Variants in TNR observed in about 807,000 individuals in gnomAD.
TNR encodes tenascin R, also known as tenascin-R.
A neutral mutation model predicts 150.4 loss-of-function variants in TNR; 45 were observed. The observed-to-expected ratio is 0.30, with a 90% CI of 0.24 to 0.38. The LOEUF (loss-of-function observed/expected upper bound fraction) is 0.38, where lower values mean the gene tolerates loss of function less well. Ranked by LOEUF, TNR falls within the 10% of genes least tolerant of loss-of-function variation. The probability of loss-of-function intolerance (pLI) is 1.00; values close to 1 mark genes in which losing one functional copy is unlikely to be tolerated. For missense variants in TNR, 1,544 were observed against 1,759.1 expected (o/e 0.88, Z 2.19); for synonymous variants, 687 against 678.4 (o/e 1.01, Z -0.20).
chr1:175,539,809 G>T (rs944174823), intron 1 of TNR, among the ~76,000 whole-genome samples: 25 of 152,250 alleles, frequency 1.6e-4, no homozygotes, highest in African/African-American at 5.1e-4. Context: ...TTTATGTTAT[G>T]ATTTGCCCTT....
At chr1:175,696,977 G>A (rs141330512) in intron 1 of TNR, among the ~76,000 whole-genome samples, 2 of 151,982 alleles carry the variant, frequency 1.3e-5, no homozygotes, top group African/African-American at 4.8e-5. Context: ...CTGCACTTGG[G>A]CTGGTTTGCC....
intron 1 of TNR, among the ~76,000 whole-genome samples, chr1:175,696,207 C>T (rs1000220589): frequency 6.7e-5 from 9 of 134,014 alleles, no homozygotes; most frequent in Admixed American, 4.6e-4. Context: ...ATTAAATGAG[C>T]CTTCCTGTAG....
chr1:175,543,478 C>T (rs547516707), intron 1 of TNR, among the ~76,000 whole-genome samples: 2 of 152,244 alleles, frequency 1.3e-5, no homozygotes, highest in East Asian at 3.9e-4. Context: ...CAGCCAGAGC[C>T]AGAGAGCAGC....
intron 1 of TNR, among the ~76,000 whole-genome samples, chr1:175,620,844 AAG>A (rs1373125097): frequency 2.6e-5 from 4 of 151,966 alleles, no homozygotes; most frequent in Non-Finnish European, 5.9e-5. Context: ...AGAAAAAAAA[AAG>A]AGAGAGAGAA....
rs143849441 is a variant in TNR at position 175,553,585 on chromosome 1, G to A, written c.-164-25216C>T. On this transcript the variant is annotated intron_variant, in intron 1 of 22. Transcript: ENST00000367674. The stretch of plus-strand genomic sequence containing the variant: ...AGAAATCCCTAACACTTCTTCCCTT[G>A]TTTCTAATTAGCAATATTTCTGTGG... Among the ~76,000 whole-genome samples the A allele has an allele frequency of 7.5e-3, 1,134 of 152,092 alleles. 51 individuals are homozygous for A. Among genetic ancestry groups the A allele is most frequent in the Admixed American group, 0.068 (1,044 of 15,276 alleles).
At chr1:175,426,771 A>AT (rs67513172) in intron 2 of TNR, among the ~76,000 whole-genome samples, 23,334 of 132,298 alleles carry the variant, frequency 0.18, 3,569 homozygotes, top group East Asian at 0.5. Context: ...TGTGTGTATA[A>AT]ATATATATAC....
At chr1:175,331,044 T>TC (rs1649769599) in intron 20 of TNR, among the ~76,000 whole-genome samples, 2 of 77,284 alleles carry the variant, frequency 2.6e-5, no homozygotes, top group African/African-American at 8.6e-5. Flanking sequence ...TTTCTTTCTT[T>TC]CTTTCTTTCT....
intron 2 of TNR, among the ~76,000 whole-genome samples, chr1:175,492,829 T>G (rs897543686): frequency 6.6e-6 from 1 of 152,192 alleles, no homozygotes; most frequent in African/African-American, 2.4e-5. Flanking sequence ...CACTCTATTT[T>G]TATGTATTTT....
chr1:175,380,483 A>G (rs1652621184), intron 8 of TNR, among the ~76,000 whole-genome samples: 1 of 151,892 alleles, frequency 6.6e-6, no homozygotes, highest in Admixed American at 6.6e-5. Flanking sequence ...AGGCAGGAGA[A>G]TGGTGTGAAC....
intron 18 of TNR, among the ~76,000 whole-genome samples, chr1:175,348,319 T>A (rs953604037): frequency 6.6e-6 from 1 of 152,176 alleles, no homozygotes; most frequent in Non-Finnish European, 1.5e-5. Context: ...ATTACAAAGA[T>A]GTCAGTTCTC....
intron 21 of TNR, 143 bp from the exon 22 acceptor site, chr1:175,324,662 C>G (rs1387583530): frequency 1.0e-6 from 1 of 966,472 alleles, no homozygotes; most frequent in Non-Finnish European, 1.6e-6. Context: ...AGTGGCTGTG[C>G]TGAACTCTTA....
At chr1:175,588,012 G>C (rs1282596021) in intron 1 of TNR, among the ~76,000 whole-genome samples, 1 of 152,152 alleles carries the variant, frequency 6.6e-6, no homozygotes, top group Non-Finnish European at 1.5e-5. Context: ...AGGAGTGAAT[G>C]ATCACTTTCC....
At chr1:175,454,087 G>C (rs1011734223) in intron 2 of TNR, among the ~76,000 whole-genome samples, 7 of 152,152 alleles carry the variant, frequency 4.6e-5, no homozygotes, top group Non-Finnish European at 1.0e-4. Flanking sequence ...TTCTAAATGG[G>C]TCTGGTTGTC....
At chr1:175,479,674 C>T (rs1284919799) in intron 2 of TNR, among the ~76,000 whole-genome samples, 1 of 152,146 alleles carries the variant, frequency 6.6e-6, no homozygotes, top group Admixed American at 6.5e-5. Flanking sequence ...AATAACAGCA[C>T]TGCTTGGCTA....
chr1:175,645,767 C>G (rs1222799983), intron 1 of TNR, among the ~76,000 whole-genome samples: 1 of 152,170 alleles, frequency 6.6e-6, no homozygotes, highest in Non-Finnish European at 1.5e-5. Context: ...AAATGATTGT[C>G]ATATACCTTG....
At chr1:175,735,830 G>A (rs927104856) in intron 1 of TNR, among the ~76,000 whole-genome samples, 1 of 152,172 alleles carries the variant, frequency 6.6e-6, no homozygotes, top group East Asian at 1.9e-4. Flanking sequence ...GCAGAATAGG[G>A]CTCGGAAACC....
At chr1:175,592,587 T>TA (rs1489983460) in intron 1 of TNR, among the ~76,000 whole-genome samples, 2 of 152,242 alleles carry the variant, frequency 1.3e-5, no homozygotes, top group African/African-American at 4.8e-5. Context: ...ATCACTCATC[T>TA]AGGCAGTACA....
intron 2 of TNR, among the ~76,000 whole-genome samples, chr1:175,527,972 G>A (rs1280333362): frequency 2.6e-5 from 4 of 152,220 alleles, no homozygotes; most frequent in African/African-American, 9.7e-5. Flanking sequence ...GTCAAGTCTA[G>A]CTTCTTGGAG....
chr1:175,335,530 G>GT, intron 20 of TNR, 181 bp downstream of exon 20: 1 of 574,716 alleles, frequency 1.7e-6, no homozygotes, highest in Non-Finnish European at 3.1e-6. Context: ...AAACACCACA[G>GT]TAAGATAAAA....
Sources: gnomAD v4.1 joint callset for allele counts (sites outside exome capture counted in the v4.1 genomes callset) on GRCh38, gnomAD v4.1.1 for gene constraint, MANE v1.5 for transcripts, NCBI Gene and HGNC (gene_info 2026-07-23, HGNC 2026-07-21) for gene names.